The following AHNAK variants were observed in gnomAD, a reference collection of about 807,000 sequenced individuals.
The protein encoded by AHNAK is neuroblast differentiation-associated protein AHNAK.
A neutral mutation model predicts 37.8 loss-of-function variants in AHNAK; 23 were observed. The observed-to-expected ratio is 0.61, with a 90% CI of 0.44 to 0.86. The LOEUF is 0.86. AHNAK is among the 40% of genes least tolerant of loss of function. The pLI, the probability that AHNAK is intolerant of heterozygous loss-of-function variation, is 0.00. For synonymous variants in AHNAK, 2,481 were observed against 2,636.3 expected (o/e 0.94, Z 1.80); for missense variants, 7,411 against 7,319.4 (o/e 1.01, Z -0.46).
Position 62,534,016 on chromosome 11 carries a change from T to C in AHNAK, c.401A>G (p.Lys134Arg). ...IYTTKIKPRL[K>R]SEDGVEGDLG... Reference sequence around the variant, plus strand: ...GTCTCCTTCCACTCCATCTTCCGACTTCAGCCGTGGCTTGATCTTCGTGGT... The same window carrying C: ...GTCTCCTTCCACTCCATCTTCCGACCTCAGCCGTGGCTTGATCTTCGTGGT... Residue 134 changes from lysine (K) to arginine (R), a missense_variant, in exon 5 of 5, where the codon AAG becomes AGG. Physicochemically the swap from Lys to Arg is conservative, Grantham distance 26 (BLOSUM62 2). Coordinates refer to ENST00000378024, the MANE Select transcript of AHNAK (RefSeq NM_001620.3). The C allele has an allele frequency of 6.3e-7, 1 of 1,587,586 alleles. No individual in the cohort carries two copies. Among genetic ancestry groups the C allele is most frequent in the Admixed American group, 1.7e-5 (1 of 58,240 alleles).
intron 5 of AHNAK, among the ~76,000 whole-genome samples, chr11:62,447,639 C>T (rs1396580036): frequency 1.3e-5 from 2 of 152,168 alleles, no homozygotes; most frequent in Non-Finnish European, 2.9e-5. Flanking sequence ...GCCTCCCAAG[C>T]TGACATAGCC....
At chr11:62,487,436 T>C (rs1939415363) in intron 5 of AHNAK, among the ~76,000 whole-genome samples, 1 of 152,248 alleles carries the variant, frequency 6.6e-6, no homozygotes, top group Admixed American at 6.5e-5. Context: ...AATGAGTTTA[T>C]AGGTTTCTGT....
rs1189940636 is a variant in AHNAK at position 62,526,538 on chromosome 11, C to T, written c.7879G>A (p.Val2627Met). 7 of 1,610,920 alleles carry T rather than the reference C, an allele frequency of 4.3e-6. No individual in the cohort carries two copies. The highest frequency in any genetic ancestry group is 1.4e-5 in the African/African-American group (1 of 73,816). ...GPKVDINAPD[V>M]GVQGPDWHLK... The stretch of plus-strand genomic sequence containing the variant: ...TGCCAGTCTGGGCCTTGAACACCCA[C>T]ATCTGGGGCATTAATATCCACTTTG... The change falls in exon 5 of 5, where the codon GTG (valine) becomes ATG (methionine). Residue 2627 changes from valine to methionine, a missense_variant. By Grantham distance (21) the Val-to-Met change is conservative. Transcript: ENST00000378024.
At chr11:62,464,254 T>A (rs1243528479) in intron 5 of AHNAK, among the ~76,000 whole-genome samples, 3 of 151,064 alleles carry the variant, frequency 2.0e-5, no homozygotes, top group African/African-American at 7.3e-5. Context: ...GACAGACTCT[T>A]ACTATGTTGA....
downstream of AHNAK, among the ~76,000 whole-genome samples, chr11:62,514,925 T>C (rs556251243): frequency 4.0e-5 from 6 of 151,886 alleles, no homozygotes; most frequent in South Asian, 1.2e-3. Flanking sequence ...AAGGATGGGG[T>C]GGGAGCTATT....
chr11:62,486,334 G>A (rs1043929462), intron 5 of AHNAK, among the ~76,000 whole-genome samples: 5 of 151,740 alleles, frequency 3.3e-5, no homozygotes, highest in African/African-American at 9.7e-5. Context: ...ATTAGCAGGC[G>A]GGGTAGCACA....
At chr11:62,493,128 T>G (rs1287224346) in intron 4 of AHNAK, among the ~76,000 whole-genome samples, 3 of 148,244 alleles carry the variant, frequency 2.0e-5, no homozygotes, top group Non-Finnish European at 4.5e-5. Context: ...TTCTCCTGCC[T>G]CAGCCTCCCA....
chr11:62,459,152 C>T (rs1335531882), intron 5 of AHNAK, among the ~76,000 whole-genome samples: 1 of 152,150 alleles, frequency 6.6e-6, no homozygotes, highest in Non-Finnish European at 1.5e-5. Context: ...GTAAGAGGGT[C>T]CCCAAAGCAC....
In AHNAK at chr11:62,523,940, C is replaced by G. The variant is rs755008071; in HGVS notation, c.10477G>C (p.Asp3493His). 5.0e-6 allele frequency: 8 copies of G among 1,614,108 alleles called. No individual in the cohort carries two copies. The East Asian group carries it at 1.3e-4, about 27-fold the overall frequency. Residue 3493 changes from aspartate (D) to histidine (H), a missense_variant, in exon 5 of 5, where the codon GAT (aspartate) becomes CAT (histidine). Transcript: ENST00000378024. ...CCTTTTGGTAGATCCACAGCTACAT[C>G]TGGCCCTTCTGCTTTTAAGCCAGAC... is the stretch of plus-strand genomic sequence containing the variant. Reference protein sequence around the residue: ...SVSGLKAEGPDVAVDLPKGDI... With the variant: ...SVSGLKAEGPHVAVDLPKGDI...
Position 62,526,431 on chromosome 11 carries a change from C to T in AHNAK, c.7986G>A (p.Leu2662=), listed in dbSNP as rs779873240. ...CTGAGACATCAATGTCAGCCTTGGG[C>T]AGCTTCACATCCCCATCTGGGCCCT... ...KGEGPDGDVK[L]PKADIDVSGP... The change falls in exon 5 of 5, where the codon CTG becomes CTA. Residue 2662 remains leucine, a synonymous_variant. Transcript: ENST00000378024. The T allele has an allele frequency of 4.3e-6, 7 of 1,611,944 alleles. No homozygotes were observed. Among genetic ancestry groups the T allele is most frequent in the Non-Finnish European group, 5.9e-6 (7 of 1,179,678 alleles).
chr11:62,469,454 G>C (rs1041095574), intron 5 of AHNAK, among the ~76,000 whole-genome samples: 18 of 150,788 alleles, frequency 1.2e-4, no homozygotes, highest in Admixed American at 1.1e-3. Context: ...TAAACATGTT[G>C]TAATTTTTGT....
In AHNAK at chr11:62,519,470, C is replaced by A. The variant is rs1256031398; in HGVS notation, c.14947G>T (p.Gly4983Trp). 6.2e-7 allele frequency: 1 copy of A among 1,612,568 alleles called. No individual in the cohort carries two copies. Among genetic ancestry groups the A allele is most frequent in the Non-Finnish European group, 8.5e-7 (1 of 1,179,608 alleles). ...ATGTCAGCTTTGGGGCTTTTTGCCC[C>A]AAATCCAAACTTGGGTTTCTTAAAT... The part of the protein sequence containing the change: ...PKFKKPKFGF[G>W]AKSPKADIKS... Residue 4983 changes from glycine to tryptophan, a missense_variant, in exon 5 of 5, where the codon GGG becomes TGG. Physicochemically the swap from Gly to Trp is radical, Grantham distance 184. Transcript: ENST00000378024.
Position 62,478,317 on chromosome 11 carries a change from C to T in AHNAK, c.442+13415G>A, listed in dbSNP as rs531475091. On this transcript the variant is annotated intron_variant, in intron 5 of 5. Transcript: ENST00000257247. ...TAAGACTGGACCCTCCAGCCCCTGA[C>T]AGGGCTCACCCCAGGGCTCCCCAAC... 3.9e-5 allele frequency among the ~76,000 whole-genome samples: 6 copies of T among 152,372 alleles called. No homozygotes were observed. In the South Asian group the frequency reaches 1.0e-3, roughly 26 times the overall value.
At chr11:62,474,652 T>C (rs2134855724) in intron 5 of AHNAK, among the ~76,000 whole-genome samples, 1 of 152,336 alleles carries the variant, frequency 6.6e-6, no homozygotes, top group South Asian at 2.1e-4. Flanking sequence ...CACAAGGATC[T>C]TGTGAGAGTC....
In AHNAK at chr11:62,535,129, C is replaced by T. The variant is rs150863258; in HGVS notation, c.216G>A (p.Gln72=). The change falls in exon 4 of 5, where the codon CAG becomes CAA. Residue 72 remains glutamine, a synonymous_variant. Transcript: ENST00000378024. ...FDNLQSGEVT[Q]LLNTMGHHTV... ...TGTGGTGCCCCATGGTGTTCAGCAG[C>T]TGGGTCACCTCACCCGACTGCAGGT... 164 of 1,613,788 alleles carry T rather than the reference C, an allele frequency of 1.0e-4. 1 individual carries two copies. The East Asian group carries it at 2.2e-3, about 22-fold the overall frequency.
At chr11:62,509,448 G>A (rs911905531) in intron 4 of AHNAK, among the ~76,000 whole-genome samples, 11 of 152,054 alleles carry the variant, frequency 7.2e-5, no homozygotes, top group African/African-American at 2.4e-4. Flanking sequence ...TATTCAGGAG[G>A]CTGAGGCAGG....
In AHNAK at chr11:62,516,748, T is replaced by G. The variant is rs1940030275; in HGVS notation, c.17669A>C (p.Glu5890Ala). Residue 5890 changes from glutamate (E) to alanine (A), a missense_variant, in exon 5 of 5, where the codon GAG (glutamate) becomes GCG (alanine). Coordinates refer to ENST00000378024, the MANE Select transcript of AHNAK (RefSeq NM_001620.3). ...GTACACACATACAAAGGCCTGCTACTCTTTCTTTGTGGAAACTGACAGCTC... is the reference window on the plus strand; with the variant it reads ...GTACACACATACAAAGGCCTGCTACGCTTTCTTTGTGGAAACTGACAGCTC... ...EVELSVSTKKE is the reference protein window; with the variant it reads ...EVELSVSTKKA 5 of 1,609,054 alleles carry G rather than the reference T, an allele frequency of 3.1e-6. No homozygotes were observed. Among genetic ancestry groups the G allele is most frequent in the East Asian group, 2.2e-5 (1 of 44,864 alleles).
At chr11:62,511,218 C>T (rs879802708), downstream of AHNAK, among the ~76,000 whole-genome samples, 2 of 151,736 alleles carry the variant, frequency 1.3e-5, no homozygotes, top group Admixed American at 6.6e-5. Flanking sequence ...ACCCACCCAC[C>T]TAATTAACCA....
rs375969861 is a variant in AHNAK at position 62,529,082 on chromosome 11, G to A, written c.5335C>T (p.Pro1779Ser). ...FKMPKLNIKA[P>S]KVSMPDVDLN... Reference sequence around the variant, plus strand: ...TCCACATCTGGCATGGAGACCTTGGGAGCTTTTATATTCAACTTGGGCATC... The same window carrying A: ...TCCACATCTGGCATGGAGACCTTGGAAGCTTTTATATTCAACTTGGGCATC... The change falls in exon 5 of 5, where the codon CCC becomes TCC. Residue 1779 changes from proline to serine, a missense_variant. Pro to Ser is a moderately conservative substitution (Grantham distance 74, BLOSUM62 -1). Transcript: ENST00000378024. 9.3e-6 allele frequency: 15 copies of A among 1,613,930 alleles called. No individual in the cohort carries two copies. Among genetic ancestry groups the A allele is most frequent in the Non-Finnish European group, 3.4e-6 (4 of 1,180,034 alleles).
Sources: gnomAD v4.1 joint callset for allele counts (sites outside exome capture counted in the v4.1 genomes callset) on GRCh38, gnomAD v4.1.1 for gene constraint, MANE v1.5 for transcripts, NCBI Gene and HGNC (gene_info 2026-07-23, HGNC 2026-07-21) for gene names.